The following MAK variants were observed in gnomAD, a reference collection of about 807,000 sequenced individuals.
MAK encodes male germ cell associated kinase, also known as serine/threonine-protein kinase MAK.
A neutral mutation model predicts 82.6 loss-of-function variants in MAK; 65 were observed. The observed-to-expected ratio is 0.79, with a 90% CI of 0.64 to 0.97. MAK has a LOEUF of 0.97. Ranked by LOEUF, MAK falls within the 50% of genes least tolerant of loss-of-function variation. The probability of loss-of-function intolerance (pLI) is 0.00; values close to 1 mark genes in which losing one functional copy is unlikely to be tolerated. For synonymous variants in MAK, 250 were observed against 274.2 expected, an observed-to-expected ratio of 0.91 and a Z score of 0.87; for missense variants, 703 against 780.2, an observed-to-expected ratio of 0.90 and a Z score of 1.18.
At chr6:10,835,806 C>CA (rs1008857049) in intron 1 of MAK, among the ~76,000 whole-genome samples, 13 of 152,012 alleles carry the variant, frequency 8.6e-5, no homozygotes, top group East Asian at 7.7e-4. Context: ...CAAAGAGTGA[C>CA]AAAAAAATCA....
chr6:10,797,749 C>T, intron 8 of MAK: 1 of 1,214,606 alleles, frequency 8.2e-7, no homozygotes, highest in African/African-American at 1.6e-5. Flanking sequence ...TTAACTCCTC[C>T]CATGTGTAAG....
At chr6:10,815,036 CAA>C (rs543245812) in intron 4 of MAK, among the ~76,000 whole-genome samples, 22 of 123,346 alleles carry the variant, frequency 1.8e-4, no homozygotes, top group East Asian at 2.4e-4. Context: ...GACTCCATCT[CAA>C]AAAAAAAAAA....
chr6:10,837,599 T>C (rs910293479), intron 1 of MAK, among the ~76,000 whole-genome samples: 15 of 152,262 alleles, frequency 9.9e-5, no homozygotes, highest in African/African-American at 3.6e-4. Flanking sequence ...TAAAGTCAGA[T>C]AACTTTGGCT....
chr6:10,811,887 TA>T (rs530641081), intron 5 of MAK, among the ~76,000 whole-genome samples: 3 of 151,338 alleles, frequency 2.0e-5, no homozygotes, highest in Admixed American at 2.0e-4. Context: ...GTTAAGAAAA[TA>T]AAAAAAACAA....
At chr6:10,772,162 T>C (rs73440125) in intron 13 of MAK, among the ~76,000 whole-genome samples, 1,899 of 152,208 alleles carry the variant, frequency 0.012, 10 homozygotes, top group South Asian at 0.025. Flanking sequence ...AAGAAGTTGT[T>C]AGGGAAAAAA....
chr6:10,811,048 G>T (rs1350191062), intron 5 of MAK, among the ~76,000 whole-genome samples: 1 of 152,102 alleles, frequency 6.6e-6, no homozygotes, highest in East Asian at 1.9e-4. Context: ...ACCCAGGCTG[G>T]AGTGCAGTGG....
rs150945098 is a variant in MAK at position 10,807,034 on chromosome 6, T to C, written c.491+1776A>G. 4.0e-3 allele frequency among the ~76,000 whole-genome samples: 612 copies of C among 152,278 alleles called. 2 individuals are homozygous for C. Among genetic ancestry groups the C allele is most frequent in the African/African-American group, 0.013 (559 of 41,564 alleles). On this transcript the variant is annotated intron_variant, in intron 6 of 14. Coordinates refer to ENST00000354489, the MANE Select transcript of MAK (RefSeq NM_001242957.3). Reference sequence around the variant, plus strand: ...AATCCCACATTTCTCACTACCTGCATGGCCAGCAGGTCCAAGTCACTATCA... The same window carrying C: ...AATCCCACATTTCTCACTACCTGCACGGCCAGCAGGTCCAAGTCACTATCA...
intron 10 of MAK, among the ~76,000 whole-genome samples, chr6:10,789,975 C>T (rs1774934805): frequency 6.6e-6 from 1 of 152,050 alleles, no homozygotes; most frequent in South Asian, 2.1e-4. Context: ...CTTATTGCAC[C>T]GTACTGCAGG....
At chr6:10,831,094 T>C (rs540338581) in intron 1 of MAK, among the ~76,000 whole-genome samples, 198 of 152,258 alleles carry the variant, frequency 1.3e-3, no homozygotes, top group Non-Finnish European at 2.2e-3. Context: ...TACTGTGCTA[T>C]TTATGTTCAA....
intron 1 of MAK, among the ~76,000 whole-genome samples, chr6:10,835,640 C>T (rs1268847415): frequency 3.9e-5 from 6 of 152,114 alleles, no homozygotes; most frequent in Non-Finnish European, 5.9e-5. Flanking sequence ...CATGTTAACA[C>T]CTAACCAAGG....
rs79545332 is a variant in MAK, at chr6:10,795,740, G to A, written c.1143+258C>T. On this transcript the variant is annotated intron_variant, in intron 9 of 14. Coordinates refer to ENST00000354489, the MANE Select transcript of MAK (RefSeq NM_001242957.3). ...GCCTAGGCAACAAAAGCGAACCTCC[G>A]TCTCAAAAAAAGAAAAAGAAAAAAG... Among the ~76,000 whole-genome samples the A allele has an allele frequency of 4.4e-3, 671 of 152,098 alleles. 3 individuals carry two copies. The highest frequency in any genetic ancestry group is 0.015 in the African/African-American group (638 of 41,482).
rs915919670 is a variant in MAK at position 10,770,006 on chromosome 6, G to T, written c.1792+105C>A. The T allele has an allele frequency of 1.4e-5, 22 of 1,601,326 alleles. No individual in the cohort carries two copies. The African/African-American group carries it at 2.8e-4, about 20-fold the overall frequency. On this transcript the variant is annotated intron_variant, in intron 14 of 14. Transcript: ENST00000354489. Reference sequence around the variant, plus strand: ...AAAAGAAATGCGTTAATGAGGTGAGGCTGACTAAAAGTCTTCGCTTGGGAA... The same window carrying T: ...AAAAGAAATGCGTTAATGAGGTGAGTCTGACTAAAAGTCTTCGCTTGGGAA...
intron 5 of MAK, among the ~76,000 whole-genome samples, chr6:10,811,006 A>G (rs1561984344): frequency 6.6e-6 from 1 of 151,968 alleles, no homozygotes; most frequent in Non-Finnish European, 1.5e-5. Flanking sequence ...TATTTTATTT[A>G]TTTATTTTTT....
At chr6:10,803,596 T>G (rs912734800) in intron 7 of MAK, 124 bp downstream of exon 7, 1 of 779,018 alleles carries the variant, frequency 1.3e-6, no homozygotes, top group Admixed American at 2.5e-5. Context: ...ATGAGCCTAT[T>G]TCAAAATGAA....
At chr6:10,815,912 G>GTGTGTGTGTATATATATATATATA (rs1554184483) in intron 4 of MAK, among the ~76,000 whole-genome samples, 3 of 108,320 alleles carry the variant, frequency 2.8e-5, no homozygotes, top group African/African-American at 4.6e-5. Flanking sequence ...GCTTTATACA[G>GTGTGTGTGTATATATATATATATA]TATATATATA....
intron 2 of MAK, among the ~76,000 whole-genome samples, chr6:10,824,220 C>T (rs1778184733): frequency 6.6e-6 from 1 of 152,214 alleles, no homozygotes; most frequent in Non-Finnish European, 1.5e-5. Flanking sequence ...TTCACAGTTG[C>T]TTAACTCCTA....
At chr6:10,813,118 ATATATATATATATATAAATTTT>A (rs1561987326) in intron 5 of MAK, among the ~76,000 whole-genome samples, 237 of 3,234 alleles carry the variant, frequency 0.073, 30 homozygotes, top group South Asian at 0.093. Context: ...ATATATATAT[ATATATATATATATATAAATTTT>A]TTTTTTTTTT....
rs761380086 is a variant in MAK, at chr6:10,830,154, TGTGC to T, written c.101+390_101+393del. Among the ~76,000 whole-genome samples, 11 of 144,102 alleles carry T rather than the reference TGTGC, an allele frequency of 7.6e-5. No individual in the cohort carries two copies. In the East Asian group the frequency reaches 1.9e-3, roughly 25 times the overall value. 94.5% of individuals were successfully genotyped at this position (144,102 alleles called of 152,430 possible). A position where few individuals can be genotyped will look rare whatever the true frequency, so the allele number is the denominator to read the frequency against. ...GTGTGTGTGTGTGTGTGTGTGTGTG[TGTGC>T]GTGTGCACGTATATATATATATTTT... On this transcript the variant is annotated intron_variant, in intron 2 of 14. Transcript: ENST00000354489.
At chr6:10,828,784 A>C (rs2127588551) in intron 2 of MAK, among the ~76,000 whole-genome samples, 1 of 152,068 alleles carries the variant, frequency 6.6e-6, no homozygotes, top group Middle Eastern at 3.4e-3. Context: ...GACAGAATGG[A>C]ACCCTGTCTT....
Sources: gnomAD v4.1 joint callset for allele counts (sites outside exome capture counted in the v4.1 genomes callset) on GRCh38, gnomAD v4.1.1 for gene constraint, MANE v1.5 for transcripts, NCBI Gene and HGNC (gene_info 2026-07-23, HGNC 2026-07-21) for gene names.